MAP2K1: variants seen among roughly 807,000 people sequenced by gnomAD.
MAP2K1 encodes dual specificity mitogen-activated protein kinase kinase 1.
A neutral mutation model predicts 46.3 loss-of-function variants in MAP2K1; 16 were observed. The ratio of observed to expected loss-of-function variants is 0.35; its 90% CI spans 0.23 to 0.52. The LOEUF (loss-of-function observed/expected upper bound fraction) is 0.52, where lower values mean the gene tolerates loss of function less well. Ranked by LOEUF, MAP2K1 falls within the 20% of genes least tolerant of loss-of-function variation. The pLI, the probability that MAP2K1 is intolerant of heterozygous loss-of-function variation, is 0.94. For synonymous variants in MAP2K1, 183 were observed against 185.6 expected, an observed-to-expected ratio of 0.99 and a Z score of 0.11; for missense variants, 263 against 497.1, an observed-to-expected ratio of 0.53 and a Z score of 4.48.
rs892864544 is a variant in MAP2K1 at position 66,389,864 on chromosome 15, T to G, written c.80+2437T>G. Among the ~76,000 whole-genome samples, 7 of 152,262 alleles carry G rather than the reference T, an allele frequency of 4.6e-5. No individual in the cohort carries two copies. In the East Asian group the frequency reaches 1.3e-3, roughly 29 times the overall value. On this transcript the variant is annotated intron_variant, in intron 1 of 10. Transcript: ENST00000307102. ...TGGGATTACAGCCCGGCCTCTGTTGTGGTTTTGTGACCTGGTTCAAGTCTT... is the reference window on the plus strand; with the variant it reads ...TGGGATTACAGCCCGGCCTCTGTTGGGGTTTTGTGACCTGGTTCAAGTCTT...
rs753511565 is a variant in MAP2K1 at position 66,418,945 on chromosome 15, CTTTTTTT to C, written c.81-16066_81-16060del. On this transcript the variant is annotated intron_variant, in intron 1 of 10. Transcript: ENST00000307102. ...AGAGGTGTGATCCACTGTGCCCGGC[CTTTTTTT>C]TTTTTTTTTTTTTTTCCTTTTTTCT... Among the ~76,000 whole-genome samples the C allele has an allele frequency of 3.9e-4, 35 of 88,890 alleles. 2 individuals are homozygous for C. The highest frequency in any genetic ancestry group is 1.4e-3 in the African/African-American group (30 of 21,444). The allele number at this position is 88,890 out of a possible 152,430, so 58.3% of individuals were successfully genotyped here.
At chr15:66,411,344 C>T (rs1246352042) in intron 1 of MAP2K1, among the ~76,000 whole-genome samples, 2 of 149,794 alleles carry the variant, frequency 1.3e-5, no homozygotes, top group African/African-American at 5.1e-5. Context: ...GTTAAAGCTC[C>T]TCTCAGAATA....
intron 1 of MAP2K1, among the ~76,000 whole-genome samples, chr15:66,394,189 C>T (rs1294770063): frequency 4.6e-5 from 7 of 152,102 alleles, no homozygotes; most frequent in African/African-American, 7.2e-5. Context: ...TATAAGGTGC[C>T]GAATAACCTT....
intron 3 of MAP2K1, among the ~76,000 whole-genome samples, 161 bp from the exon 4 acceptor site, chr15:66,443,119 G>A (rs367836895): frequency 6.0e-4 from 72 of 119,746 alleles, no homozygotes; most frequent in African/African-American, 2.2e-3. Flanking sequence ...ACAGAGTCTC[G>A]CTGTGTCGCC....
chr15:66,449,019 A>AC (rs1318896096), intron 5 of MAP2K1, among the ~76,000 whole-genome samples: 2 of 151,046 alleles, frequency 1.3e-5, no homozygotes, highest in South Asian at 4.2e-4. Context: ...AAAAAAAAAA[A>AC]AAAAAAAAAC....
chr15:66,473,411 A>C (rs1892685250), intron 5 of MAP2K1, among the ~76,000 whole-genome samples: 1 of 152,024 alleles, frequency 6.6e-6, no homozygotes, highest in African/African-American at 2.4e-5. Context: ...CCTGTCTACC[A>C]AAAAAAGAAA....
intron 5 of MAP2K1, among the ~76,000 whole-genome samples, chr15:66,472,099 T>A (rs1278322949): frequency 1.5e-5 from 2 of 133,676 alleles, no homozygotes; most frequent in Non-Finnish European, 3.2e-5. Context: ...AAAAAGATGC[T>A]GTTAGCTAGC....
At chr15:66,453,290 T>C (rs1429318974) in intron 5 of MAP2K1, among the ~76,000 whole-genome samples, 7 of 152,242 alleles carry the variant, frequency 4.6e-5, no homozygotes, top group Non-Finnish European at 1.0e-4. Flanking sequence ...CACCAATTGT[T>C]GCTCTTTGGC....
chr15:66,390,558 T>C (rs2093354030), intron 1 of MAP2K1, among the ~76,000 whole-genome samples: 1 of 152,198 alleles, frequency 6.6e-6, no homozygotes, highest in African/African-American at 2.4e-5. Context: ...GGACCTGAAG[T>C]TGATGCAAGT....
At chr15:66,397,409 G>A (rs952939685) in intron 1 of MAP2K1, among the ~76,000 whole-genome samples, 1 of 152,200 alleles carries the variant, frequency 6.6e-6, no homozygotes, top group Non-Finnish European at 1.5e-5. Context: ...CATGAGGGAA[G>A]TAGGGTGGGA....
chr15:66,485,136 A>G lies in MAP2K1; in HGVS notation c.840A>G (p.Glu280=), dbSNP rs1893007191. The part of the protein sequence containing the change: ...ELELMFGCQV[E]GDAAETPPRP... Reference sequence around the variant, plus strand: ...AGCTGATGTTTGGGTGCCAGGTGGAAGGAGATGCGGCTGAGACCCCACCCA... The same window carrying G: ...AGCTGATGTTTGGGTGCCAGGTGGAGGGAGATGCGGCTGAGACCCCACCCA... Residue 280 remains glutamate (E), a synonymous_variant, in exon 7 of 11, where the codon GAA becomes GAG. Transcript: ENST00000307102. 1 of 1,614,050 alleles carries G rather than the reference A, an allele frequency of 6.2e-7. No individual in the cohort carries two copies. Among genetic ancestry groups the G allele is most frequent in the Non-Finnish European group, 8.5e-7 (1 of 1,180,024 alleles).
At chr15:66,486,207 A>G (rs1310944953) in intron 7 of MAP2K1, among the ~76,000 whole-genome samples, 1 of 152,194 alleles carries the variant, frequency 6.6e-6, no homozygotes, top group Non-Finnish European at 1.5e-5. Flanking sequence ...TAATTTTTTA[A>G]TCATGACTTT....
chr15:66,483,748 C>CTTTTTTTTTTT (rs750947705), intron 6 of MAP2K1, among the ~76,000 whole-genome samples: 3 of 131,126 alleles, frequency 2.3e-5, no homozygotes, highest in Non-Finnish European at 3.2e-5. Context: ...CATACATTTT[C>CTTTTTTTTTTT]TTTTTTTTTT....
intron 1 of MAP2K1, chr15:66,414,958 T>C (rs2093421250): frequency 4.7e-6 from 2 of 425,020 alleles, no homozygotes; most frequent in Non-Finnish European, 9.4e-6. Flanking sequence ...TAGCCACTTG[T>C]GCTTGAGCTC....
chr15:66,412,090 C>A (rs765837681), intron 1 of MAP2K1, among the ~76,000 whole-genome samples: 3 of 152,196 alleles, frequency 2.0e-5, no homozygotes, highest in Admixed American at 1.3e-4. Flanking sequence ...ATAAAAATAA[C>A]CCTCAAAAAT....
chr15:66,443,622 G>T (rs1010746798), intron 4 of MAP2K1, among the ~76,000 whole-genome samples: 4 of 152,238 alleles, frequency 2.6e-5, no homozygotes, highest in South Asian at 2.1e-4. Context: ...TGTAATCCCA[G>T]CACTTTGCGA....
chr15:66,489,281 G>A lies in MAP2K1; in HGVS notation c.1022+5G>A. On this transcript the variant is annotated splice_donor_5th_base_variant and intron_variant, in intron 9 of 10. Transcript: ENST00000307102. ...TCAAGATTTTGTGAATAAATGGTAA[G>A]TTGGCTCCTTGTTCTCTGGAAGCGT... The A allele has an allele frequency of 6.2e-7, 1 of 1,613,464 alleles. No individual in the cohort carries two copies. The highest frequency in any genetic ancestry group is 8.5e-7 in the Non-Finnish European group (1 of 1,179,372).
chr15:66,457,554 G>A (rs937972038), intron 5 of MAP2K1, among the ~76,000 whole-genome samples: 1 of 152,178 alleles, frequency 6.6e-6, no homozygotes, highest in Non-Finnish European at 1.5e-5. Flanking sequence ...TGACTGTGTG[G>A]CCCTCAAAGC....
chr15:66,409,163 T>C (rs975432283), intron 1 of MAP2K1, among the ~76,000 whole-genome samples: 2 of 152,142 alleles, frequency 1.3e-5, no homozygotes, highest in Non-Finnish European at 2.9e-5. Flanking sequence ...ATGTGGGATG[T>C]ATGTTATCTC....
Sources: allele counts gnomAD v4.1 joint callset (sites outside exome capture counted in the v4.1 genomes callset), GRCh38; gene constraint gnomAD v4.1.1; transcripts MANE v1.5; gene names NCBI Gene and HGNC (gene_info 2026-07-23, HGNC 2026-07-21).